ARHGAP6: variants seen among roughly 807,000 people sequenced by gnomAD.
ARHGAP6 encodes the protein rho GTPase-activating protein 6.
A neutral mutation model predicts 55.7 loss-of-function variants in ARHGAP6; 16 were observed. The observed-to-expected ratio is 0.29, with a 90% CI of 0.19 to 0.44. The LOEUF is 0.44. Among genes scored for constraint, ARHGAP6 ranks in the 20% least tolerant of loss-of-function variants. The probability of loss-of-function intolerance (pLI) is 1.00; values close to 1 mark genes in which losing one functional copy is unlikely to be tolerated. For missense variants in ARHGAP6, 698 were observed against 808.9 expected, an observed-to-expected ratio of 0.86 and a Z score of 1.66; for synonymous variants, 382 against 360.9, an observed-to-expected ratio of 1.06 and a Z score of -0.66.
chrX:11,168,896 C>T, intron 9 of ARHGAP6, among the ~76,000 whole-genome samples: 1 of 112,099 alleles, frequency 8.9e-6, no homozygotes. Flanking sequence ...AGATGGAGGG[C>T]TTTCCAAAAG....
intron 1 of ARHGAP6, among the ~76,000 whole-genome samples, chrX:11,628,337 T>C (rs186009047): frequency 2.7e-5 from 3 of 112,536 alleles, no homozygotes; most frequent in Admixed American, 9.4e-5. Flanking sequence ...GAAAATTCTA[T>C]TATGGTTACA....
In ARHGAP6 at chrX:11,298,573, T is replaced by C. The variant is rs761996476; in HGVS notation, c.589-43866A>G. 2.5e-6 allele frequency: 3 copies of C among 1,211,410 alleles called. No homozygotes were observed. The highest frequency in any genetic ancestry group is 1.8e-5 in the South Asian group (1 of 56,971). On this transcript the variant is annotated intron_variant, in intron 1 of 12. Transcript: ENST00000337414. ...TACCCTTCCTATGGTTACGAGCCCATGGGTGGATGGCTGCACCACCAAATC... is the reference window on the plus strand; with the variant it reads ...TACCCTTCCTATGGTTACGAGCCCACGGGTGGATGGCTGCACCACCAAATC...
chrX:11,422,774 G>A (rs1347371412), intron 1 of ARHGAP6, among the ~76,000 whole-genome samples: 3 of 112,513 alleles, frequency 2.7e-5, no homozygotes, highest in African/African-American at 9.7e-5. Context: ...GGCAAAGGGT[G>A]GTAATTGTTT....
intron 1 of ARHGAP6, among the ~76,000 whole-genome samples, chrX:11,337,928 G>A (rs1569305497): frequency 1.8e-5 from 2 of 111,649 alleles, no homozygotes; most frequent in African/African-American, 6.5e-5. Flanking sequence ...TGTCTGAGAA[G>A]GTCAAAGAGG....
chrX:11,155,596 A>G (rs1261205694), intron 10 of ARHGAP6, among the ~76,000 whole-genome samples: 2 of 111,963 alleles, frequency 1.8e-5, no homozygotes, highest in Non-Finnish European at 3.8e-5. Context: ...TTACGTTAGG[A>G]GCTTATCATT....
At chrX:11,336,775 C>G (rs910964646) in intron 1 of ARHGAP6, among the ~76,000 whole-genome samples, 1 of 111,654 alleles carries the variant, frequency 9.0e-6, no homozygotes, top group Non-Finnish European at 1.9e-5. Context: ...CTTTTTTCCT[C>G]TCCAATTCCC....
chrX:11,481,121 C>A lies in ARHGAP6; in HGVS notation c.588+183120G>T, dbSNP rs947438943. ...TACTAGGATCTCCCCTGGAGTGCTACTATTTACAGAGGATTTTTTTTCCTC... is the reference window on the plus strand; with the variant it reads ...TACTAGGATCTCCCCTGGAGTGCTAATATTTACAGAGGATTTTTTTTCCTC... On this transcript the variant is annotated intron_variant, in intron 1 of 12. Coordinates refer to ENST00000337414, the MANE Select transcript of ARHGAP6 (RefSeq NM_013427.3). Among the ~76,000 whole-genome samples, 3 of 111,076 alleles carry A rather than the reference C, an allele frequency of 2.7e-5. No individual in the cohort carries two copies. In the East Asian group the frequency reaches 8.4e-4, roughly 31 times the overall value.
At chrX:11,403,582 A>T (rs2049576269) in intron 1 of ARHGAP6, among the ~76,000 whole-genome samples, 1 of 112,060 alleles carries the variant, frequency 8.9e-6, no homozygotes. Context: ...TATAAAATTT[A>T]AAATTGCATA....
chrX:11,332,149 C>T (rs761029851), intron 1 of ARHGAP6, among the ~76,000 whole-genome samples: 4 of 111,585 alleles, frequency 3.6e-5, no homozygotes, highest in African/African-American at 1.3e-4. Flanking sequence ...CCTAGTGACC[C>T]TCTTGCCGCT....
At chrX:11,526,471 G>T (rs191355838) in intron 1 of ARHGAP6, among the ~76,000 whole-genome samples, 80 of 112,025 alleles carry the variant, frequency 7.1e-4, no homozygotes, top group Non-Finnish European at 8.6e-4. Context: ...CTGTGGCTGA[G>T]AATTAAATCA....
chrX:11,185,135 T>C (rs747419246), intron 5 of ARHGAP6, among the ~76,000 whole-genome samples: 1 of 102,581 alleles, frequency 9.7e-6, no homozygotes, highest in African/African-American at 3.7e-5. Context: ...CATTATGTGG[T>C]GCATGACTGT....
At chrX:11,307,491 A>C (rs1204634593) in intron 1 of ARHGAP6, among the ~76,000 whole-genome samples, 1 of 112,075 alleles carries the variant, frequency 8.9e-6, no homozygotes, top group Non-Finnish European at 1.9e-5. Context: ...TAGGGAAGGA[A>C]ATGTTTGCAA....
intron 1 of ARHGAP6, chrX:11,294,686 G>A (rs1417107852): frequency 3.2e-6 from 3 of 935,910 alleles, no homozygotes; most frequent in Non-Finnish European, 4.6e-6. Flanking sequence ...ACTAGCAATA[G>A]ACTAATGTAG....
At position 11,499,431 on chromosome X, in the gene ARHGAP6, T is replaced by C. The variant is rs1910068618; in HGVS notation, c.588+164810A>G. Among the ~76,000 whole-genome samples the C allele has an allele frequency of 3.6e-5, 4 of 112,180 alleles. No individual in the cohort carries two copies. The Admixed American group carries it at 3.8e-4, about 11-fold the overall frequency. On this transcript the variant is annotated intron_variant, in intron 1 of 12. Coordinates refer to ENST00000337414, the MANE Select transcript of ARHGAP6 (RefSeq NM_013427.3). ...TTCTAAACACACTGTAGGACTTTTTTTCTATTAATTTGTTTATCTTCAAAA... is the reference window on the plus strand; with the variant it reads ...TTCTAAACACACTGTAGGACTTTTTCTCTATTAATTTGTTTATCTTCAAAA...
In ARHGAP6 at chrX:11,357,479, G is replaced by T. The variant is rs778548805; in HGVS notation, c.589-102772C>A. The stretch of plus-strand genomic sequence containing the variant: ...AAGTTAGATGAGGGATGGGGTTAGG[G>T]AAACTTACATCCTACACTCTTATGA... On this transcript the variant is annotated intron_variant, in intron 1 of 12. Coordinates refer to ENST00000337414, the MANE Select transcript of ARHGAP6 (RefSeq NM_013427.3). Among the ~76,000 whole-genome samples, 7 of 111,487 alleles carry T rather than the reference G, an allele frequency of 6.3e-5. No homozygotes were observed. The South Asian group carries it at 1.1e-3, about 18-fold the overall frequency.
chrX:11,235,488 T>C (rs893896558), intron 2 of ARHGAP6, among the ~76,000 whole-genome samples: 1 of 111,858 alleles, frequency 8.9e-6, no homozygotes, highest in East Asian at 2.8e-4. Flanking sequence ...ATTGTCTTGG[T>C]GGTTAGCATT....
In ARHGAP6 at chrX:11,665,084, T is replaced by G; in HGVS notation, c.-256A>C. On this transcript the variant is annotated 5_prime_UTR_variant, in exon 1 of 13. Transcript: ENST00000337414. The stretch of plus-strand genomic sequence containing the variant: ...GGGACCTCCTGCAGCCGCTAGAACC[T>G]TCCTCCGGAGCCCAAGACGCGAAGA... 4 of 296,153 alleles carry G rather than the reference T, an allele frequency of 1.4e-5. No homozygotes were observed. Among genetic ancestry groups the G allele is most frequent in the Non-Finnish European group, 1.8e-5 (3 of 170,834 alleles). 24.4% of individuals were successfully genotyped at this position (296,153 alleles called of 1,213,427 possible).
intron 3 of ARHGAP6, among the ~76,000 whole-genome samples, chrX:11,195,987 A>AAAAAAAAAAAG (rs770765295): frequency 1.0e-5 from 1 of 95,478 alleles, no homozygotes; most frequent in Non-Finnish European, 2.1e-5. Context: ...AAAAAAAAAA[A>AAAAAAAAAAAG]GCCGGTTGTG....
chrX:11,430,312 A>C (rs2049928936), intron 1 of ARHGAP6, among the ~76,000 whole-genome samples: 1 of 112,754 alleles, frequency 8.9e-6, no homozygotes, highest in Non-Finnish European at 1.9e-5. Flanking sequence ...TCTGCCTTCT[A>C]GCATTATTTA....
Sources: allele counts gnomAD v4.1 joint callset (sites outside exome capture counted in the v4.1 genomes callset), GRCh38; gene constraint gnomAD v4.1.1; transcripts MANE v1.5; gene names NCBI Gene and HGNC (gene_info 2026-07-23, HGNC 2026-07-21).